The following PHF21B variants were observed in gnomAD, a reference collection of about 807,000 sequenced individuals.
PHF21B encodes PHD finger protein 21B.
Under a neutral mutation model 62.2 loss-of-function variants are expected in PHF21B, and 22 were observed. The ratio of observed to expected loss-of-function variants is 0.35; its 90% CI spans 0.25 to 0.51. The LOEUF is 0.51. Ranked by LOEUF, PHF21B falls within the 20% of genes least tolerant of loss-of-function variation. The pLI is 0.97. For missense variants in PHF21B, 701 were observed against 707.9 expected, an observed-to-expected ratio of 0.99 and a Z score of 0.11; for synonymous variants, 341 against 314.7, an observed-to-expected ratio of 1.08 and a Z score of -0.88.
chr22:44,908,602 G>A lies in PHF21B; in HGVS notation c.831+5220C>T, dbSNP rs114798241. 3.8e-3 allele frequency among the ~76,000 whole-genome samples: 582 copies of A among 152,290 alleles called. 2 individuals carry two copies. The highest frequency in any genetic ancestry group is 0.014 in the African/African-American group (566 of 41,544). ...GTGCCACTTTCTGGGGAGCTGCAGC[G>A]ACAGCGGAGTTGCCCAAACACCAAT... On this transcript the variant is annotated intron_variant, in intron 5 of 12. Transcript: ENST00000313237.
intron 4 of PHF21B, among the ~76,000 whole-genome samples, chr22:44,914,972 C>A (rs2071408717): frequency 6.6e-6 from 1 of 152,192 alleles, no homozygotes; most frequent in Non-Finnish European, 1.5e-5. Context: ...GATCCATCAG[C>A]CACAGTCTGG....
rs146326315 is a variant in PHF21B at position 44,908,457 on chromosome 22, T to C, written c.831+5365A>G. Reference sequence around the variant, plus strand: ...CTGAAATATTTCTCCCCATGGTGCATGGGTCACTCTGGGACACTGCTGACT... The same window carrying C: ...CTGAAATATTTCTCCCCATGGTGCACGGGTCACTCTGGGACACTGCTGACT... On this transcript the variant is annotated intron_variant, in intron 5 of 12. Coordinates refer to ENST00000313237, the MANE Select transcript of PHF21B (RefSeq NM_138415.5). 4.5e-3 allele frequency among the ~76,000 whole-genome samples: 691 copies of C among 152,244 alleles called. 5 individuals are homozygous for C. Among genetic ancestry groups the C allele is most frequent in the African/African-American group, 0.016 (647 of 41,528 alleles).
At chr22:44,919,177 A>G (rs1243572885) in intron 3 of PHF21B, among the ~76,000 whole-genome samples, 1 of 151,322 alleles carries the variant, frequency 6.6e-6, no homozygotes, top group East Asian at 1.9e-4. Context: ...AAGTCTCCTC[A>G]GGGCTCCCGC....
chr22:44,896,788 T>C (rs1312462890), intron 5 of PHF21B, among the ~76,000 whole-genome samples: 2 of 152,180 alleles, frequency 1.3e-5, no homozygotes, highest in East Asian at 3.8e-4. Flanking sequence ...GTAATGACCT[T>C]CTCCAGTTTT....
chr22:44,993,731 G>A (rs1379482245), intron 2 of PHF21B, among the ~76,000 whole-genome samples: 1 of 152,252 alleles, frequency 6.6e-6, no homozygotes, highest in Non-Finnish European at 1.5e-5. Flanking sequence ...AGGAAGCTGT[G>A]TGTGCACCCA....
At chr22:44,962,079 G>C (rs2147420683) in intron 2 of PHF21B, among the ~76,000 whole-genome samples, 1 of 152,152 alleles carries the variant, frequency 6.6e-6, no homozygotes, top group East Asian at 1.9e-4. Context: ...ACACACAAGT[G>C]CATGTGTCTT....
intron 2 of PHF21B, among the ~76,000 whole-genome samples, chr22:44,971,905 C>A (rs184431302): frequency 6.6e-6 from 1 of 152,226 alleles, no homozygotes; most frequent in Non-Finnish European, 1.5e-5. Context: ...ATGAAGCAGG[C>A]GCCCCACAGC....
At chr22:44,884,772 A>C (rs2070824196) in intron 12 of PHF21B, among the ~76,000 whole-genome samples, 1 of 150,198 alleles carries the variant, frequency 6.7e-6, no homozygotes, top group African/African-American at 2.4e-5. Context: ...TACCACCATC[A>C]CCATCACCAC....
Position 44,990,362 on chromosome 22 carries a change from C to A in PHF21B, c.120+18183G>T, listed in dbSNP as rs924349765. Among the ~76,000 whole-genome samples, 6 of 152,210 alleles carry A rather than the reference C, an allele frequency of 3.9e-5. No individual in the cohort carries two copies. The East Asian group carries it at 1.2e-3, about 29-fold the overall frequency. On this transcript the variant is annotated intron_variant, in intron 2 of 12. Transcript: ENST00000313237. ...AGGGACTCAAACATATTTGCACACC[C>A]ATGTTCCTAAGAGCTTTATTCACAA... is the stretch of plus-strand genomic sequence containing the variant.
At chr22:44,998,496 C>A (rs951801475) in intron 2 of PHF21B, among the ~76,000 whole-genome samples, 1 of 152,160 alleles carries the variant, frequency 6.6e-6, no homozygotes, top group Non-Finnish European at 1.5e-5. Context: ...CAGTTTCCCT[C>A]GGGTAAGATG....
intron 2 of PHF21B, among the ~76,000 whole-genome samples, chr22:44,947,763 T>C (rs965219029): frequency 1.3e-5 from 2 of 152,136 alleles, no homozygotes; most frequent in African/African-American, 4.8e-5. Context: ...ATGACCAGGG[T>C]GTGGCCCTGG....
chr22:44,902,804 C>T (rs2071183981), intron 5 of PHF21B, among the ~76,000 whole-genome samples: 1 of 151,946 alleles, frequency 6.6e-6, no homozygotes, highest in African/African-American at 2.4e-5. Context: ...CTTCTCTTTC[C>T]TGTATTTTTT....
At chr22:44,933,162 G>C (rs2071775989) in intron 2 of PHF21B, among the ~76,000 whole-genome samples, 1 of 150,846 alleles carries the variant, frequency 6.6e-6, no homozygotes, top group African/African-American at 2.4e-5. Context: ...ACCCAGGCTG[G>C]AGTGCACTGG....
At chr22:44,926,540 A>G (rs1271529371) in intron 2 of PHF21B, among the ~76,000 whole-genome samples, 4 of 152,156 alleles carry the variant, frequency 2.6e-5, no homozygotes, top group East Asian at 3.9e-4. Flanking sequence ...GTGTTTTCCA[A>G]GCCCACATGT....
chr22:44,909,942 G>A (rs1009694226), intron 5 of PHF21B, among the ~76,000 whole-genome samples: 14 of 152,132 alleles, frequency 9.2e-5, no homozygotes, highest in African/African-American at 2.2e-4. Context: ...TTTTGAACCC[G>A]TTAGAGTCCT....
intron 8 of PHF21B, among the ~76,000 whole-genome samples, chr22:44,890,063 C>T (rs12159861): frequency 0.028 from 4,241 of 150,754 alleles, 166 homozygotes; most frequent in African/African-American, 0.092. Flanking sequence ...TATCACAAGG[C>T]CCCCATGACA....
At chr22:44,964,569 A>C (rs2072489400) in intron 2 of PHF21B, among the ~76,000 whole-genome samples, 1 of 152,370 alleles carries the variant, frequency 6.6e-6, no homozygotes, top group South Asian at 2.1e-4. Flanking sequence ...GATTATGCTA[A>C]TTCCAGCTGC....
intron 2 of PHF21B, among the ~76,000 whole-genome samples, chr22:44,929,054 C>T (rs1352710397): frequency 6.6e-6 from 1 of 152,244 alleles, no homozygotes; most frequent in Non-Finnish European, 1.5e-5. Context: ...CCGCCACGCG[C>T]ACAGCCACAG....
At chr22:44,959,742 A>G (rs2072379282) in intron 2 of PHF21B, among the ~76,000 whole-genome samples, 1 of 152,174 alleles carries the variant, frequency 6.6e-6, no homozygotes, top group South Asian at 2.1e-4. Context: ...ATCACTGAAA[A>G]CAGTAAAGAG....
Sources: allele counts gnomAD v4.1 joint callset (sites outside exome capture counted in the v4.1 genomes callset), GRCh38; gene constraint gnomAD v4.1.1; transcripts MANE v1.5; gene names NCBI Gene and HGNC (gene_info 2026-07-23, HGNC 2026-07-21).